Variants in ARB2A observed in about 807,000 individuals in gnomAD.
The protein encoded by ARB2A is ARB2 cotranscriptional regulator A.
At chr5:93,954,890 G>A in the ARB2A span, among the ~76,000 whole-genome samples, 2 of 152,054 alleles carry the variant, frequency 1.3e-5, no homozygotes, top group African/African-American at 4.8e-5. Context: ...CTCCATGGAT[G>A]CCAACTGAGA....
At chr5:93,970,711 C>T in the ARB2A span, among the ~76,000 whole-genome samples, 6 of 152,222 alleles carry the variant, frequency 3.9e-5, no homozygotes, top group East Asian at 1.2e-3. Context: ...ATAATGAATA[C>T]ACTTAAGTGA....
chr5:93,810,195 GTT>G, the ARB2A span, among the ~76,000 whole-genome samples: 9 of 136,764 alleles, frequency 6.6e-5, no homozygotes, highest in East Asian at 2.1e-4. Flanking sequence ...TGTAGGTTTC[GTT>G]TTTTTTTTTT....
the ARB2A span, among the ~76,000 whole-genome samples, chr5:93,911,203 G>A: frequency 6.6e-6 from 1 of 151,584 alleles, no homozygotes; most frequent in East Asian, 1.9e-4. Context: ...TCTATATTAT[G>A]GAAATTAAGA....
At chr5:93,709,803 C>G in the ARB2A span, among the ~76,000 whole-genome samples, 3 of 151,812 alleles carry the variant, frequency 2.0e-5, no homozygotes, top group Non-Finnish European at 4.4e-5. Flanking sequence ...TGAATCTAAC[C>G]TCATACATGT....
At chr5:94,073,857 A>G in the ARB2A span, among the ~76,000 whole-genome samples, 1 of 152,124 alleles carries the variant, frequency 6.6e-6, no homozygotes, top group Non-Finnish European at 1.5e-5. Flanking sequence ...ATTTATTGAA[A>G]CAGCTCTTTG....
chr5:93,754,244 T>C, the ARB2A span, among the ~76,000 whole-genome samples: 2 of 152,220 alleles, frequency 1.3e-5, no homozygotes, highest in African/African-American at 4.8e-5. Context: ...CACATTCTAG[T>C]AGGAGAGACA....
chr5:93,981,627 C>A, the ARB2A span, among the ~76,000 whole-genome samples: 3 of 151,372 alleles, frequency 2.0e-5, no homozygotes, highest in East Asian at 5.8e-4. Flanking sequence ...AAGTTTGAGA[C>A]TAAAATATTT....
At chr5:93,823,996 C>G in the ARB2A span, 3 of 458,746 alleles carry the variant, frequency 6.5e-6, no homozygotes, top group Admixed American at 1.2e-4. Flanking sequence ...AATTAATAAA[C>G]TATTTTCAAA....
the ARB2A span, among the ~76,000 whole-genome samples, chr5:94,018,999 A>G: frequency 1.4e-4 from 22 of 152,310 alleles, no homozygotes; most frequent in African/African-American, 5.3e-4. Context: ...GATCTCAGAA[A>G]TAACATCACA....
At chr5:93,814,700 A>T in the ARB2A span, among the ~76,000 whole-genome samples, 1 of 152,198 alleles carries the variant, frequency 6.6e-6, no homozygotes, top group South Asian at 2.1e-4. Flanking sequence ...GCCAGAGACC[A>T]TGTGTTCTAA....
chr5:93,838,539 A>T, the ARB2A span, among the ~76,000 whole-genome samples: 1 of 149,316 alleles, frequency 6.7e-6, no homozygotes, highest in South Asian at 2.1e-4. Flanking sequence ...ACAGTGCAAG[A>T]CTCTGTATCA....
the ARB2A span, among the ~76,000 whole-genome samples, chr5:94,096,485 C>A: frequency 6.6e-6 from 1 of 152,104 alleles, no homozygotes; most frequent in African/African-American, 2.4e-5. Flanking sequence ...AATAGGAATA[C>A]TAGCTATATC....
At chr5:93,759,260 T>C in the ARB2A span, among the ~76,000 whole-genome samples, 1 of 151,830 alleles carries the variant, frequency 6.6e-6, no homozygotes, top group Non-Finnish European at 1.5e-5. Flanking sequence ...TAATAAAAAA[T>C]TACCAGTAAA....
chr5:93,795,630 T>C, the ARB2A span, among the ~76,000 whole-genome samples: 28 of 152,096 alleles, frequency 1.8e-4, no homozygotes, highest in Non-Finnish European at 3.5e-4. Context: ...AAATTTTCCT[T>C]CCAACCTGCT....
At chr5:93,701,922 T>C in the ARB2A span, among the ~76,000 whole-genome samples, 1 of 152,194 alleles carries the variant, frequency 6.6e-6, no homozygotes. Flanking sequence ...CATCACAGCT[T>C]ACACATCTTT....
chr5:93,889,024 A>T, the ARB2A span, among the ~76,000 whole-genome samples: 1 of 151,836 alleles, frequency 6.6e-6, no homozygotes. Context: ...AGATATTTTC[A>T]TTCAGTAGAA....
At chr5:93,890,779 T>C in the ARB2A span, among the ~76,000 whole-genome samples, 3 of 152,066 alleles carry the variant, frequency 2.0e-5, no homozygotes, top group East Asian at 5.8e-4. Context: ...GAGGCGTCTT[T>C]AGCCAAAAGG....
the ARB2A span, among the ~76,000 whole-genome samples, chr5:93,859,673 A>G: frequency 1.3e-5 from 2 of 152,242 alleles, no homozygotes; most frequent in African/African-American, 4.8e-5. Context: ...CAATTCACAG[A>G]TGAGGAATCA....
chr5:93,959,048 G>T, the ARB2A span: 1 of 892,658 alleles, frequency 1.1e-6, no homozygotes, highest in Non-Finnish European at 1.6e-6. Flanking sequence ...ACTAATGGCT[G>T]TTACAAAGTA....
Sources: gnomAD v4.1 joint callset for allele counts (sites outside exome capture counted in the v4.1 genomes callset) on GRCh38, gnomAD v4.1.1 for gene constraint, MANE v1.5 for transcripts, NCBI Gene and HGNC (gene_info 2026-07-23, HGNC 2026-07-21) for gene names.